PGM3: variants seen among roughly 807,000 people sequenced by gnomAD.
PGM3 encodes the protein phosphoglucomutase 3.
PGM3 carries 40 observed loss-of-function variants against 66.2 expected under a neutral mutation model. The observed-to-expected ratio is 0.60, with a 90% CI of 0.47 to 0.79. The LOEUF is 0.79. Ranked by LOEUF, PGM3 falls within the 30% of genes least tolerant of loss-of-function variation. The pLI is 0.00. For synonymous variants in PGM3, 191 were observed against 224.2 expected (o/e 0.85, Z 1.32); for missense variants, 537 against 643.4 (o/e 0.83, Z 1.79).
chr6:83,180,102 A>G, intron 6 of PGM3, 135 bp from the exon 7 acceptor site: 1 of 590,400 alleles, frequency 1.7e-6, no homozygotes, highest in South Asian at 3.7e-5. Context: ...TAAATAGTAC[A>G]TAGTTTATTA....
intron 12 of PGM3, chr6:83,169,789 A>G (rs750376119): frequency 2.2e-6 from 1 of 457,570 alleles, no homozygotes; most frequent in South Asian, 1.5e-5. Context: ...ACACACTTTA[A>G]GGAGTATGTG....
intron 6 of PGM3, among the ~76,000 whole-genome samples, chr6:83,181,040 A>G (rs1176933080): frequency 6.6e-6 from 1 of 152,196 alleles, no homozygotes; most frequent in African/African-American, 2.4e-5. Context: ...AAACACACAA[A>G]TGCAGCCAGC....
intron 1 of PGM3, chr6:83,191,290 G>A (rs1282204502): frequency 8.7e-6 from 13 of 1,494,148 alleles, no homozygotes; most frequent in Non-Finnish European, 1.2e-5. Flanking sequence ...GACTATCCTG[G>A]ACGCCGGGCA....
At chr6:83,178,415 G>T (rs913286040) in intron 8 of PGM3, among the ~76,000 whole-genome samples, 1 of 152,240 alleles carries the variant, frequency 6.6e-6, no homozygotes, top group African/African-American at 2.4e-5. Context: ...CCTTTAGAAA[G>T]ACTTACATTC....
chr6:83,161,570 G>A (rs1026716505), downstream of PGM3, among the ~76,000 whole-genome samples: 9 of 152,156 alleles, frequency 5.9e-5, no homozygotes, highest in African/African-American at 2.2e-4. Flanking sequence ...CAATGAGCAA[G>A]ACAGTTAATA....
the PGM3 span, among the ~76,000 whole-genome samples, chr6:83,151,267 G>A: frequency 1.3e-5 from 2 of 152,224 alleles, no homozygotes; most frequent in Admixed American, 6.5e-5. Context: ...CAATTCTCCT[G>A]CCTTAGCCTA....
chr6:83,172,726 C>T (rs1787354170), intron 10 of PGM3, among the ~76,000 whole-genome samples: 3 of 152,054 alleles, frequency 2.0e-5, no homozygotes, highest in Admixed American at 2.0e-4. Flanking sequence ...TCAGCATCCC[C>T]AAGGGAAAAA....
chr6:83,181,750 T>C lies in PGM3; in HGVS notation c.773A>G (p.Gln258Arg). Residue 258 changes from glutamine to arginine, a missense_variant, in exon 6 of 13, where the codon CAG becomes CGG. By Grantham distance (43) the Gln-to-Arg change is conservative (BLOSUM62 1). Transcript: ENST00000513973. ...LCGADFVKSH[Q>R]KPPQGMEIKS... ...GTACGACATACCCTGTGGAGGTTTC[T>C]GATGACTTTTCACAAAGTCAGCTCC... 6.2e-7 allele frequency: 1 copy of C among 1,610,430 alleles called. No homozygotes were observed. Among genetic ancestry groups the C allele is most frequent in the Non-Finnish European group, 8.5e-7 (1 of 1,178,916 alleles).
chr6:83,155,999 G>A, the PGM3 span: 3 of 1,614,044 alleles, frequency 1.9e-6, no homozygotes, highest in Admixed American at 1.7e-5. Flanking sequence ...TTTGCAAACC[G>A]TGATGTGGAG....
intron 8 of PGM3, 174 bp from the exon 9 acceptor site, chr6:83,176,234 AC>A: frequency 3.9e-6 from 2 of 509,398 alleles, no homozygotes; most frequent in South Asian, 6.0e-5. Context: ...GCATGAACAC[AC>A]TCTGGAAGCA....
the PGM3 span, chr6:83,153,559 C>A: frequency 6.2e-7 from 1 of 1,609,252 alleles, no homozygotes; most frequent in South Asian, 1.1e-5. Flanking sequence ...TGAAAAGGAG[C>A]GGGTTATTCC....
chr6:83,192,982 C>G (rs1219799518), intron 1 of PGM3, 197 bp downstream of exon 1: 1 of 152,334 alleles, frequency 6.6e-6, no homozygotes, highest in Non-Finnish European at 1.5e-5. Context: ...GCAGGAGACC[C>G]GCGGCCCGTC....
At chr6:83,179,416 C>T (rs1236307963) in intron 7 of PGM3, among the ~76,000 whole-genome samples, 1 of 151,322 alleles carries the variant, frequency 6.6e-6, no homozygotes, top group Non-Finnish European at 1.5e-5. Context: ...AGATTTATTT[C>T]TAAAATAGCA....
rs1412534848 is a variant in PGM3 at position 83,165,903 on chromosome 6, C to T, written c.*3331G>A. 3 of 405,958 alleles carry T rather than the reference C, an allele frequency of 7.4e-6. No individual in the cohort carries two copies. The highest frequency in any genetic ancestry group is 2.1e-5 in the African/African-American group (1 of 48,562). The allele number at this position is 405,958 out of a possible 1,614,324, so 25.1% of individuals were successfully genotyped here. ...TACTTATCAGATGTAATGGTTTCAC[C>T]TGGATTCAGAAAGCTGTAGTGGATC... On this transcript the variant is annotated 3_prime_UTR_variant, in exon 13 of 13. Coordinates refer to ENST00000513973, the MANE Select transcript of PGM3 (RefSeq NM_015599.3).
At chr6:83,164,790 C>A, downstream of PGM3, 3 of 1,297,452 alleles carry the variant, frequency 2.3e-6, no homozygotes, top group Non-Finnish European at 1.1e-6. Flanking sequence ...AAACCCAGGT[C>A]TGAATGTCAA....
At position 83,179,329 on chromosome 6, in the gene PGM3, AT is replaced by A. The variant is rs1430889514; in HGVS notation, c.945+480del. On this transcript the variant is annotated intron_variant, in intron 7 of 12. Transcript: ENST00000513973. ...TGTCTCAAAAAAAAAAAAAAAAAAA[AT>A]CTATTAAATTCTTAAAGTATGCTGT... is the stretch of plus-strand genomic sequence containing the variant. Among the ~76,000 whole-genome samples the A allele has an allele frequency of 4.0e-5, 6 of 151,124 alleles. No homozygotes were observed. The East Asian group carries it at 7.8e-4, about 20-fold the overall frequency.
At chr6:83,153,784 AT>A in the PGM3 span, 1 of 1,269,658 alleles carries the variant, frequency 7.9e-7, no homozygotes, top group African/African-American at 1.5e-5. Flanking sequence ...GGTGCTTTCT[AT>A]TTCATATCTT....
chr6:83,188,714 C>T lies in PGM3; in HGVS notation c.289G>A (p.Ala97Thr). 1 of 1,614,116 alleles carries T rather than the reference C, an allele frequency of 6.2e-7. No homozygotes were observed. Among genetic ancestry groups the T allele is most frequent in the Non-Finnish European group, 8.5e-7 (1 of 1,179,960 alleles). The change falls in exon 3 of 13, where the codon GCT becomes ACT. Residue 97 changes from alanine to threonine, a missense_variant. By Grantham distance (58) the Ala-to-Thr change is moderately conservative (BLOSUM62 0). Transcript: ENST00000513973. ...ACTCTCTGCATATCTTGTTCCTCAG[C>T]ATTTGCTAAACAGGTGGCATGTTCC... ...WEEHATCLAN[A>T]EEQDMQRVLI...
chr6:83,178,018 C>A (rs913358099), intron 8 of PGM3, among the ~76,000 whole-genome samples: 3 of 152,176 alleles, frequency 2.0e-5, no homozygotes, highest in African/African-American at 7.2e-5. Flanking sequence ...TGCAAAACTC[C>A]ATCACATTAG....
Sources: gnomAD v4.1 joint callset for allele counts (sites outside exome capture counted in the v4.1 genomes callset) on GRCh38, gnomAD v4.1.1 for gene constraint, MANE v1.5 for transcripts, NCBI Gene and HGNC (gene_info 2026-07-23, HGNC 2026-07-21) for gene names.